SCFD1: variants seen among roughly 807,000 people sequenced by gnomAD.
The protein encoded by SCFD1 is sec1 family domain containing 1, also known as sec1 family domain-containing protein 1.
SCFD1 carries 37 observed loss-of-function variants against 103.2 expected under a neutral mutation model. The ratio of observed to expected loss-of-function variants is 0.36; its 90% confidence interval spans 0.28 to 0.47. SCFD1 has a LOEUF of 0.47. Ranked by LOEUF, SCFD1 falls within the 20% of genes least tolerant of loss-of-function variation. SCFD1 has a pLI of 1.00. For synonymous variants in SCFD1, 264 were observed against 245.0 expected, an observed-to-expected ratio of 1.08 and a Z score of -0.73; for missense variants, 639 against 761.2, an observed-to-expected ratio of 0.84 and a Z score of 1.89.
chr14:30,667,085 T>A (rs1342114003), intron 10 of SCFD1, among the ~76,000 whole-genome samples: 1 of 152,114 alleles, frequency 6.6e-6, no homozygotes, highest in East Asian at 1.9e-4. Context: ...TACCAAAGCC[T>A]GGCAGAGACA....
chr14:30,639,949 C>T (rs1885105525), intron 6 of SCFD1, 85 bp downstream of exon 6: 14 of 1,406,292 alleles, frequency 1.0e-5, no homozygotes, highest in Middle Eastern at 3.7e-4. Flanking sequence ...GTTTAATGGA[C>T]TTCAAAACCA....
At chr14:30,707,834 G>T in intron 18 of SCFD1, 156 bp from the exon 19 acceptor site, 1 of 714,986 alleles carries the variant, frequency 1.4e-6, no homozygotes. Context: ...ACCCATGGCA[G>T]CAGAAATTCT....
chr14:30,708,234 G>A (rs189498624), intron 19 of SCFD1, among the ~76,000 whole-genome samples, 169 bp downstream of exon 19: 1 of 151,992 alleles, frequency 6.6e-6, no homozygotes, highest in South Asian at 2.1e-4. Flanking sequence ...GGGTGTGCTG[G>A]TTTGTTACAT....
intron 10 of SCFD1, among the ~76,000 whole-genome samples, chr14:30,657,423 T>C (rs1422752167): frequency 6.6e-6 from 1 of 152,226 alleles, no homozygotes; most frequent in East Asian, 1.9e-4. Context: ...AAAAGGACTA[T>C]GAAATGTGTT....
In SCFD1 at chr14:30,705,894, T is replaced by C. The variant is rs1253677044; in HGVS notation, c.1553+9T>C. ...ACCACTAAACCAATGGGGTAAGTAT[T>C]TTTAATAATTCTTTTGCATCTTTGT... On this transcript the variant is annotated intron_variant, in intron 18 of 24. Transcript: ENST00000458591. The C allele has an allele frequency of 1.2e-6, 2 of 1,607,158 alleles. No individual in the cohort carries two copies. Among genetic ancestry groups the C allele is most frequent in the South Asian group, 2.2e-5 (2 of 90,650 alleles).
chr14:30,700,130 A>G (rs1890978562), intron 15 of SCFD1, 58 bp from the exon 16 acceptor site: 1 of 1,224,172 alleles, frequency 8.2e-7, no homozygotes, highest in Non-Finnish European at 1.2e-6. Flanking sequence ...TGTGTTGACT[A>G]TAATACATAA....
intron 6 of SCFD1, among the ~76,000 whole-genome samples, chr14:30,642,110 CAG>C (rs1177888151): frequency 6.6e-6 from 1 of 152,160 alleles, no homozygotes; most frequent in Non-Finnish European, 1.5e-5. Context: ...CACCCCGAGA[CAG>C]AGTCTCTCTC....
intron 21 of SCFD1, 129 bp downstream of exon 21, chr14:30,719,506 T>TA (rs1196964270): frequency 3.1e-6 from 2 of 653,700 alleles, no homozygotes; most frequent in Non-Finnish European, 5.3e-6. Context: ...AACAAGGATG[T>TA]ATAATCTCAT....
intron 6 of SCFD1, 103 bp downstream of exon 6, chr14:30,639,967 T>G: frequency 7.6e-7 from 1 of 1,309,724 alleles, no homozygotes; most frequent in South Asian, 1.5e-5. Context: ...CCAGCTTGTT[T>G]ACAGCAGTAG....
chr14:30,693,043 A>G (rs1890431549), intron 14 of SCFD1, among the ~76,000 whole-genome samples: 1 of 152,232 alleles, frequency 6.6e-6, no homozygotes, highest in Middle Eastern at 3.4e-3. Context: ...CTGTGTATCA[A>G]TTTTAGTATT....
At chr14:30,684,728 C>CTTTTTT (rs766941201) in intron 14 of SCFD1, among the ~76,000 whole-genome samples, 5 of 56,908 alleles carry the variant, frequency 8.8e-5, no homozygotes, top group South Asian at 5.8e-4. Context: ...CTCACTTATT[C>CTTTTTT]TTTTTTTTTT....
chr14:30,644,429 C>A (rs1047904245), intron 7 of SCFD1, among the ~76,000 whole-genome samples: 1 of 152,194 alleles, frequency 6.6e-6, no homozygotes, highest in African/African-American at 2.4e-5. Context: ...CTCCAAATTG[C>A]TTTCCACAGT....
chr14:30,647,340 A>G (rs373162865), intron 7 of SCFD1, among the ~76,000 whole-genome samples: 1 of 152,216 alleles, frequency 6.6e-6, no homozygotes, highest in South Asian at 2.1e-4. Context: ...TGCAAATTGT[A>G]TGGCTCCCTC....
chr14:30,734,653 G>A (rs1893709495), intron 23 of SCFD1, 137 bp from the exon 24 acceptor site: 4 of 672,226 alleles, frequency 6.0e-6, no homozygotes, highest in African/African-American at 1.8e-5. Context: ...AGGTAGATGT[G>A]TATACTAAAA....
intron 9 of SCFD1, among the ~76,000 whole-genome samples, chr14:30,651,977 A>G (rs1016394874): frequency 6.6e-6 from 1 of 152,164 alleles, no homozygotes; most frequent in Non-Finnish European, 1.5e-5. Context: ...ACAACCCCCT[A>G]TAACAAGAAA....
chr14:30,699,389 A>G (rs1158761047), intron 15 of SCFD1, among the ~76,000 whole-genome samples: 1 of 152,210 alleles, frequency 6.6e-6, no homozygotes. Flanking sequence ...GTGAGACTGA[A>G]TATTGTTATT....
intron 7 of SCFD1, among the ~76,000 whole-genome samples, chr14:30,645,630 A>T (rs1168273709): frequency 6.6e-6 from 1 of 151,894 alleles, no homozygotes; most frequent in Non-Finnish European, 1.5e-5. Flanking sequence ...CTCAGCTTGG[A>T]TATTATTGGT....
At chr14:30,697,663 T>C (rs1173008688) in intron 15 of SCFD1, among the ~76,000 whole-genome samples, 2 of 152,148 alleles carry the variant, frequency 1.3e-5, no homozygotes, top group African/African-American at 2.4e-5. Context: ...TAGGATTCAG[T>C]GCAAAGAACA....
chr14:30,643,560 A>G (rs531469529), intron 7 of SCFD1, among the ~76,000 whole-genome samples, 155 bp downstream of exon 7: 95 of 152,212 alleles, frequency 6.2e-4, no homozygotes, highest in Non-Finnish European at 1.1e-3. Flanking sequence ...TATAAAAACA[A>G]TTCTTCCAAT....
Sources: allele counts gnomAD v4.1 joint callset (sites outside exome capture counted in the v4.1 genomes callset), GRCh38; gene constraint gnomAD v4.1.1; transcripts MANE v1.5; gene names NCBI Gene and HGNC (gene_info 2026-07-23, HGNC 2026-07-21).